IQCJ: variants seen among roughly 807,000 people sequenced by gnomAD.
IQCJ encodes IQ motif containing J.
IQCJ carries 9 observed loss-of-function variants against 11.0 expected under a neutral mutation model. That is an observed-to-expected ratio of 0.82 (90% CI 0.49 to 1.43). The LOEUF (loss-of-function observed/expected upper bound fraction) is 1.43. IQCJ is among the 40% of genes most tolerant of loss of function. The pLI is 0.00. For synonymous variants in IQCJ, 55 were observed against 51.3 expected (o/e 1.07, Z -0.31); for missense variants, 146 against 133.2 (o/e 1.10, Z -0.47).
intron 1 of IQCJ, among the ~76,000 whole-genome samples, chr3:159,134,818 C>T (rs1720196158): frequency 6.6e-6 from 1 of 152,152 alleles, no homozygotes; most frequent in Admixed American, 6.6e-5. Flanking sequence ...AATACAAACT[C>T]ATAAATTCAG....
chr3:159,144,682 ACACACACAG>A (rs2108189001), intron 1 of IQCJ, among the ~76,000 whole-genome samples: 1 of 150,506 alleles, frequency 6.6e-6, no homozygotes, highest in African/African-American at 2.4e-5. Context: ...ACACACACAC[ACACACACAG>A]AGTTCCTGCT....
intron 1 of IQCJ, among the ~76,000 whole-genome samples, chr3:159,070,325 C>T (rs181515521): frequency 6.6e-6 from 1 of 152,178 alleles, no homozygotes; most frequent in Admixed American, 6.5e-5. Flanking sequence ...TATTCAGCAT[C>T]CCTTGTCTCA....
chr3:159,124,116 C>T (rs764324443), intron 1 of IQCJ, among the ~76,000 whole-genome samples: 1 of 152,154 alleles, frequency 6.6e-6, no homozygotes. Flanking sequence ...GCAGAGTCAT[C>T]CTTCCTAGTT....
chr3:159,248,238 C>A (rs1727387921), intron 2 of IQCJ, among the ~76,000 whole-genome samples: 1 of 152,140 alleles, frequency 6.6e-6, no homozygotes, highest in Non-Finnish European at 1.5e-5. Flanking sequence ...CCTTTCCTTT[C>A]CATCTGGGCA....
At chr3:159,076,327 C>G (rs1031636421) in intron 1 of IQCJ, among the ~76,000 whole-genome samples, 1 of 152,182 alleles carries the variant, frequency 6.6e-6, no homozygotes. Flanking sequence ...CAAATTGCCA[C>G]TATATGCTAC....
chr3:159,226,154 C>A (rs1241740324), intron 1 of IQCJ, among the ~76,000 whole-genome samples: 1 of 152,114 alleles, frequency 6.6e-6, no homozygotes, highest in Non-Finnish European at 1.5e-5. Flanking sequence ...ATTATCTAGG[C>A]AGGATGGATT....
intron 3 of IQCJ, among the ~76,000 whole-genome samples, chr3:159,253,642 C>T (rs1331983563): frequency 6.6e-5 from 10 of 151,884 alleles, no homozygotes; most frequent in Admixed American, 6.6e-4. Context: ...CACACTCACA[C>T]ACTCAGTATA....
intron 1 of IQCJ, among the ~76,000 whole-genome samples, chr3:159,172,941 T>A (rs1337917426): frequency 6.6e-6 from 1 of 152,176 alleles, no homozygotes; most frequent in African/African-American, 2.4e-5. Flanking sequence ...AGAGTTACTT[T>A]CCTAAGTCAC....
intron 2 of IQCJ, among the ~76,000 whole-genome samples, chr3:159,248,378 T>C (rs1033451990): frequency 6.6e-6 from 1 of 152,230 alleles, no homozygotes; most frequent in African/African-American, 2.4e-5. Flanking sequence ...ATTTTTATTA[T>C]GCCTGCTCTC....
intron 1 of IQCJ, among the ~76,000 whole-genome samples, chr3:159,230,397 G>T (rs1288638743): frequency 6.6e-6 from 1 of 152,096 alleles, no homozygotes; most frequent in Non-Finnish European, 1.5e-5. Context: ...ATATCTATTG[G>T]ATATTCCTCT....
rs539820364 is a variant in IQCJ at position 159,200,104 on chromosome 3, A to AATAT, written c.10-45726_10-45723dup. ...ATATGTATGTATGTGTTTATACATA[A>AATAT]ATATATATATATATATCACTTTGAA... On this transcript the variant is annotated intron_variant, in intron 1 of 3. Transcript: ENST00000397832. Among the ~76,000 whole-genome samples the AATAT allele has an allele frequency of 5.9e-4, 69 of 116,934 alleles. 6 individuals are homozygous for AATAT. The South Asian group carries it at 7.2e-3, about 12-fold the overall frequency. 76.7% of individuals were successfully genotyped at this position (116,934 alleles called of 152,430 possible).
chr3:159,147,289 G>A (rs981941059), intron 1 of IQCJ, among the ~76,000 whole-genome samples: 2 of 152,156 alleles, frequency 1.3e-5, no homozygotes, highest in African/African-American at 4.8e-5. Context: ...ACGCATTCAG[G>A]CATAAAGACT....
chr3:159,187,106 A>C (rs955172929), intron 1 of IQCJ, among the ~76,000 whole-genome samples: 1 of 152,272 alleles, frequency 6.6e-6, no homozygotes, highest in Non-Finnish European at 1.5e-5. Flanking sequence ...AACGTATTCT[A>C]CAGTTAAATA....
chr3:159,108,360 T>A (rs980168085), intron 1 of IQCJ, among the ~76,000 whole-genome samples: 1 of 152,212 alleles, frequency 6.6e-6, no homozygotes, highest in African/African-American at 2.4e-5. Context: ...CAAATAAAGA[T>A]AGCATCAACA....
chr3:159,163,454 C>T (rs1721989746), intron 1 of IQCJ, among the ~76,000 whole-genome samples: 1 of 152,148 alleles, frequency 6.6e-6, no homozygotes, highest in Admixed American at 6.5e-5. Flanking sequence ...ATGACAAACC[C>T]ACAGCCAGTA....
chr3:159,149,767 G>T (rs1375205357), intron 1 of IQCJ, among the ~76,000 whole-genome samples: 1 of 152,160 alleles, frequency 6.6e-6, no homozygotes, highest in Non-Finnish European at 1.5e-5. Context: ...TAAGCCTATT[G>T]TTCTTATATC....
chr3:159,073,466 G>A (rs1715718335), intron 1 of IQCJ, among the ~76,000 whole-genome samples: 1 of 152,016 alleles, frequency 6.6e-6, no homozygotes. Flanking sequence ...GTGCTGAGTG[G>A]GCACCTCAGA....
At chr3:159,139,631 C>T (rs1380958524) in intron 1 of IQCJ, among the ~76,000 whole-genome samples, 1 of 152,140 alleles carries the variant, frequency 6.6e-6, no homozygotes, top group African/African-American at 2.4e-5. Context: ...CTGTGAAGAC[C>T]AGCAGGAGAA....
chr3:159,150,219 G>C (rs976322383), intron 1 of IQCJ, among the ~76,000 whole-genome samples: 19 of 152,258 alleles, frequency 1.2e-4, no homozygotes, highest in African/African-American at 4.6e-4. Flanking sequence ...TAGGGTAGTG[G>C]GTAAGTGAGA....
Sources: gnomAD v4.1 joint callset for allele counts (sites outside exome capture counted in the v4.1 genomes callset) on GRCh38, gnomAD v4.1.1 for gene constraint, MANE v1.5 for transcripts, NCBI Gene and HGNC (gene_info 2026-07-23, HGNC 2026-07-21) for gene names.